IMMP2L: variants seen among roughly 807,000 people sequenced by gnomAD.
The protein encoded by IMMP2L is inner mitochondrial membrane peptidase subunit 2, also known as mitochondrial inner membrane protease subunit 2.
Under a neutral mutation model 19.3 loss-of-function variants are expected in IMMP2L, and 18 were observed. The ratio of observed to expected loss-of-function variants is 0.93; its 90% confidence interval spans 0.64 to 1.38. The LOEUF is 1.38. Among genes scored for constraint, IMMP2L ranks in the 40% most tolerant of loss-of-function variants. The probability of loss-of-function intolerance (pLI) is 0.00; values close to 1 mark genes in which losing one functional copy is unlikely to be tolerated. For missense variants in IMMP2L, 233 were observed against 218.2 expected (o/e 1.07, Z -0.43); for synonymous variants, 76 against 73.0 (o/e 1.04, Z -0.21).
chr7:111,148,852 T>A (rs1383954712), intron 3 of IMMP2L, among the ~76,000 whole-genome samples: 1 of 152,064 alleles, frequency 6.6e-6, no homozygotes, highest in Non-Finnish European at 1.5e-5. Context: ...TGAATACTAA[T>A]AGTTCCTCTA....
Position 111,294,936 on chromosome 7 carries a change from A to G in IMMP2L, c.239+192302T>C, listed in dbSNP as rs535605734. Among the ~76,000 whole-genome samples, 194 of 152,078 alleles carry G rather than the reference A, an allele frequency of 1.3e-3. 1 individual carries two copies. The highest frequency in any genetic ancestry group is 3.4e-3 in the Middle Eastern group (1 of 294). ...TAAATGGACTTTTCAATAACTGAGA[A>G]GAAAACTAATATTTTAGCCTATGAA... On this transcript the variant is annotated intron_variant, in intron 3 of 5. Transcript: ENST00000405709.
chr7:111,336,299 C>T (rs1826400790), intron 3 of IMMP2L, among the ~76,000 whole-genome samples: 1 of 151,792 alleles, frequency 6.6e-6, no homozygotes, highest in African/African-American at 2.4e-5. Flanking sequence ...AGCAACCCAC[C>T]CACCTCAGCC....
chr7:111,286,263 A>G (rs936881022), intron 3 of IMMP2L, among the ~76,000 whole-genome samples: 10 of 152,296 alleles, frequency 6.6e-5, no homozygotes, highest in Middle Eastern at 3.4e-3. Flanking sequence ...GGAGAAGTTT[A>G]GCTATTCCTG....
At position 111,502,362 on chromosome 7, in the gene IMMP2L, A is replaced by T. The variant is rs570944008; in HGVS notation, c.136-15021T>A. The stretch of plus-strand genomic sequence containing the variant: ...ACAAAGAGACTTAGACTCCCACACA[A>T]TAATAATGGGAGACTTTAACACCCC... On this transcript the variant is annotated intron_variant, in intron 2 of 5. Coordinates refer to ENST00000405709, the MANE Select transcript of IMMP2L (RefSeq NM_032549.4). Among the ~76,000 whole-genome samples the T allele has an allele frequency of 5.8e-4, 89 of 152,216 alleles. 2 individuals are homozygous for T. Among genetic ancestry groups the T allele is most frequent in the African/African-American group, 2.0e-3 (82 of 41,540 alleles).
intron 5 of IMMP2L, among the ~76,000 whole-genome samples, chr7:110,726,508 T>G (rs1795893698): frequency 6.6e-6 from 1 of 152,182 alleles, no homozygotes; most frequent in African/African-American, 2.4e-5. Flanking sequence ...CAAAGGAGGA[T>G]TCTGAGAAAC....
chr7:111,534,293 C>T (rs1194579741), intron 1 of IMMP2L, among the ~76,000 whole-genome samples: 1 of 151,988 alleles, frequency 6.6e-6, no homozygotes, highest in Non-Finnish European at 1.5e-5. Flanking sequence ...TAAATTATGA[C>T]ATGCATACAG....
chr7:111,465,408 T>A (rs1046478838), intron 3 of IMMP2L, among the ~76,000 whole-genome samples: 3 of 151,086 alleles, frequency 2.0e-5, no homozygotes, highest in African/African-American at 7.3e-5. Context: ...AAATGGTCCT[T>A]AATAGTGATT....
intron 3 of IMMP2L, among the ~76,000 whole-genome samples, chr7:111,385,216 C>G (rs1831615510): frequency 6.6e-6 from 1 of 152,102 alleles, no homozygotes. Context: ...GCCTCACTGA[C>G]AAGTGGCATT....
chr7:111,140,568 A>G (rs1336481066), intron 3 of IMMP2L, among the ~76,000 whole-genome samples: 1 of 152,226 alleles, frequency 6.6e-6, no homozygotes, highest in Admixed American at 6.5e-5. Flanking sequence ...AGAACGTAAG[A>G]CATGAGAAAG....
Position 110,699,633 on chromosome 7 carries a change from T to C in IMMP2L, c.409-35912A>G, listed in dbSNP as rs966917259. On this transcript the variant is annotated intron_variant, in intron 5 of 5. Coordinates refer to ENST00000405709, the MANE Select transcript of IMMP2L (RefSeq NM_032549.4). ...TAAAAATACAAAAATTAGCTGGGCA[T>C]GGTGGTGCGCACCTGTAATCCCAGC... Among the ~76,000 whole-genome samples, 3 of 152,078 alleles carry C rather than the reference T, an allele frequency of 2.0e-5. No homozygotes were observed. The East Asian group carries it at 5.8e-4, about 29-fold the overall frequency.
In IMMP2L at chr7:110,999,399, A is replaced by C. The variant is rs1306426299; in HGVS notation, c.240-35834T>G. On this transcript the variant is annotated intron_variant, in intron 3 of 5. Coordinates refer to ENST00000405709, the MANE Select transcript of IMMP2L (RefSeq NM_032549.4). ...CTATGCTTTATAGCTTTTCTCCCCCATATTTTTTTCTGTTTGTCTTCTTGC... is the reference window on the plus strand; with the variant it reads ...CTATGCTTTATAGCTTTTCTCCCCCCTATTTTTTTCTGTTTGTCTTCTTGC... Among the ~76,000 whole-genome samples, 10 of 128,344 alleles carry C rather than the reference A, an allele frequency of 7.8e-5. No homozygotes were observed. The South Asian group carries it at 2.4e-3, about 31-fold the overall frequency. 84.2% of individuals were successfully genotyped at this position (128,344 alleles called of 152,430 possible).
chr7:110,916,327 A>C (rs1813609874), intron 4 of IMMP2L, among the ~76,000 whole-genome samples: 2 of 152,216 alleles, frequency 1.3e-5, no homozygotes, highest in Non-Finnish European at 2.9e-5. Flanking sequence ...TATGGATTTC[A>C]AAGAAAAAAT....
intron 3 of IMMP2L, among the ~76,000 whole-genome samples, chr7:111,176,561 A>C (rs1348149007): frequency 6.6e-6 from 1 of 152,012 alleles, no homozygotes; most frequent in Admixed American, 6.6e-5. Flanking sequence ...GTGGAAGCTA[A>C]AAAAATTAAA....
chr7:110,864,262 A>G (rs1287840384), intron 5 of IMMP2L, among the ~76,000 whole-genome samples: 1 of 152,094 alleles, frequency 6.6e-6, no homozygotes, highest in Non-Finnish European at 1.5e-5. Flanking sequence ...AATTGAAATA[A>G]AGTTAGTACT....
chr7:110,665,340 T>C lies in IMMP2L; in HGVS notation c.409-1619A>G, dbSNP rs183951304. Reference sequence around the variant, plus strand: ...AACTGTTTGATAGTTGTTGACATCATGCTAAATTTATCCCTGAAAACTTCA... The same window carrying C: ...AACTGTTTGATAGTTGTTGACATCACGCTAAATTTATCCCTGAAAACTTCA... On this transcript the variant is annotated intron_variant, in intron 5 of 5. Coordinates refer to ENST00000405709, the MANE Select transcript of IMMP2L (RefSeq NM_032549.4). Among the ~76,000 whole-genome samples, 209 of 152,294 alleles carry C rather than the reference T, an allele frequency of 1.4e-3. 5 individuals are homozygous for C. Among genetic ancestry groups the C allele is most frequent in the Non-Finnish European group, 2.1e-4 (14 of 68,012 alleles).
At chr7:111,436,483 G>A (rs1052639887) in intron 3 of IMMP2L, among the ~76,000 whole-genome samples, 2 of 151,080 alleles carry the variant, frequency 1.3e-5, no homozygotes, top group African/African-American at 2.4e-5. Context: ...AAGACAGTAC[G>A]GACTTGTCTC....
intron 5 of IMMP2L, among the ~76,000 whole-genome samples, chr7:110,699,596 C>A (rs1007641241): frequency 5.3e-5 from 8 of 151,928 alleles, no homozygotes; most frequent in African/African-American, 1.9e-4. Context: ...CATGGAGAAA[C>A]CTCATCTCTA....
At chr7:111,086,255 GAAAAAAAAAAGAAAAAAAA>G (rs1009161311) in intron 3 of IMMP2L, among the ~76,000 whole-genome samples, 1 of 103,142 alleles carries the variant, frequency 9.7e-6, no homozygotes, top group African/African-American at 3.6e-5. Flanking sequence ...TCTACTCAAA[GAAAAAAAAAAGAAAAAAAA>G]AAAAGAAAAA....
chr7:111,110,423 A>G (rs1277925799), intron 3 of IMMP2L, among the ~76,000 whole-genome samples: 2 of 152,208 alleles, frequency 1.3e-5, no homozygotes, highest in Non-Finnish European at 2.9e-5. Flanking sequence ...ATCTTCCAAG[A>G]AAACATAAAC....
Sources: allele counts gnomAD v4.1 joint callset (sites outside exome capture counted in the v4.1 genomes callset), GRCh38; gene constraint gnomAD v4.1.1; transcripts MANE v1.5; gene names NCBI Gene and HGNC (gene_info 2026-07-23, HGNC 2026-07-21).